The following RIN2 variants were observed in gnomAD, a reference collection of about 807,000 sequenced individuals.
The protein encoded by RIN2 is RAB5 interacting protein 2.
A neutral mutation model predicts 78.0 loss-of-function variants in RIN2; 36 were observed. That is an observed-to-expected ratio of 0.46 (90% CI 0.35 to 0.61). The LOEUF is 0.61. Among genes scored for constraint, RIN2 ranks in the 20% least tolerant of loss-of-function variants. RIN2 has a pLI of 0.00. For synonymous variants in RIN2, 466 were observed against 466.8 expected, an observed-to-expected ratio of 1.00 and a Z score of 0.02; for missense variants, 1,087 against 1,159.7, an observed-to-expected ratio of 0.94 and a Z score of 0.91.
intron 1 of RIN2, among the ~76,000 whole-genome samples, chr20:19,784,004 G>A (rs2034592296): frequency 6.6e-6 from 1 of 152,206 alleles, no homozygotes; most frequent in African/African-American, 2.4e-5. Flanking sequence ...CTACTCCAGG[G>A]CCGAGGCCAG....
chr20:19,904,953 C>T (rs1290020748), intron 3 of RIN2, among the ~76,000 whole-genome samples: 1 of 152,220 alleles, frequency 6.6e-6, no homozygotes, highest in Non-Finnish European at 1.5e-5. Flanking sequence ...AGGTGCCAAG[C>T]AGCTCTCTCA....
At chr20:19,999,140 A>C (rs1413742154) in intron 12 of RIN2, among the ~76,000 whole-genome samples, 1 of 152,126 alleles carries the variant, frequency 6.6e-6, no homozygotes, top group African/African-American at 2.4e-5. Flanking sequence ...ACATGGGAAG[A>C]GGTAGTACGT....
At chr20:19,904,256 T>C (rs1034056737) in intron 3 of RIN2, among the ~76,000 whole-genome samples, 13 of 146,464 alleles carry the variant, frequency 8.9e-5, no homozygotes, top group South Asian at 2.1e-4. Flanking sequence ...TATATATATA[T>C]ATATAAAATA....
intron 1 of RIN2, among the ~76,000 whole-genome samples, chr20:19,765,261 C>T (rs547534622): frequency 6.6e-6 from 1 of 152,232 alleles, no homozygotes; most frequent in African/African-American, 2.4e-5. Flanking sequence ...TTATATTAAG[C>T]CTAATTTGGG....
intron 2 of RIN2, among the ~76,000 whole-genome samples, chr20:19,817,442 A>G (rs1359898226): frequency 3.9e-5 from 6 of 151,924 alleles, no homozygotes; most frequent in Non-Finnish European, 8.8e-5. Context: ...TCAAGACCTA[A>G]TCACCTCCTA....
At chr20:19,800,642 G>T (rs1470183268) in intron 2 of RIN2, among the ~76,000 whole-genome samples, 4 of 152,296 alleles carry the variant, frequency 2.6e-5, no homozygotes, top group South Asian at 2.1e-4. Context: ...GACTTAGAAG[G>T]CTGGCTCCAG....
chr20:19,780,491 A>G (rs998861918), intron 1 of RIN2, among the ~76,000 whole-genome samples: 2 of 152,030 alleles, frequency 1.3e-5, no homozygotes, highest in Non-Finnish European at 2.9e-5. Flanking sequence ...TGAGATCTGG[A>G]TGTAATGAGC....
At chr20:19,789,092 G>A (rs2122602183) in intron 1 of RIN2, among the ~76,000 whole-genome samples, 1 of 152,344 alleles carries the variant, frequency 6.6e-6, no homozygotes. Flanking sequence ...AGAAGTGAGA[G>A]TTCAGAGACA....
At chr20:19,987,402 C>T (rs1053061197) in intron 9 of RIN2, among the ~76,000 whole-genome samples, 2 of 152,022 alleles carry the variant, frequency 1.3e-5, no homozygotes, top group East Asian at 1.9e-4. Flanking sequence ...AATAAACTGG[C>T]GAGTATTTAT....
At chr20:19,832,208 A>C (rs2123007260) in intron 2 of RIN2, among the ~76,000 whole-genome samples, 1 of 151,256 alleles carries the variant, frequency 6.6e-6, no homozygotes, top group African/African-American at 2.4e-5. Flanking sequence ...TAAGGCAAGC[A>C]CATTCCCAAG....
chr20:19,986,497 G>A (rs1230412958), intron 9 of RIN2, among the ~76,000 whole-genome samples: 1 of 152,154 alleles, frequency 6.6e-6, no homozygotes, highest in African/African-American at 2.4e-5. Context: ...TTGGTCCTAG[G>A]TTTCAACCCT....
At chr20:19,907,895 T>C (rs1385004991) in intron 3 of RIN2, among the ~76,000 whole-genome samples, 4 of 152,214 alleles carry the variant, frequency 2.6e-5, no homozygotes, top group Non-Finnish European at 1.5e-5. Flanking sequence ...TTTCCTCATC[T>C]GTAAGGTGGG....
intron 9 of RIN2, among the ~76,000 whole-genome samples, chr20:19,980,392 C>T (rs537601908): frequency 2.0e-4 from 30 of 152,278 alleles, no homozygotes; most frequent in African/African-American, 7.2e-4. Context: ...AAGGTTGACA[C>T]CCCTGGAGTT....
chr20:19,989,749 A>AAAAAC (rs1462169055), intron 9 of RIN2, among the ~76,000 whole-genome samples: 1 of 152,262 alleles, frequency 6.6e-6, no homozygotes, highest in Non-Finnish European at 1.5e-5. Flanking sequence ...TAATTAAAAC[A>AAAAAC]AATATATTTC....
At chr20:19,948,546 C>G (rs2041188953) in intron 4 of RIN2, among the ~76,000 whole-genome samples, 1 of 152,238 alleles carries the variant, frequency 6.6e-6, no homozygotes, top group East Asian at 1.9e-4. Flanking sequence ...AGGAGCGCGC[C>G]ACCACACCCA....
At chr20:19,835,532 C>T (rs2036396645) in intron 2 of RIN2, among the ~76,000 whole-genome samples, 1 of 152,162 alleles carries the variant, frequency 6.6e-6, no homozygotes, top group African/African-American at 2.4e-5. Flanking sequence ...CCGAATTTCA[C>T]ATCATTTACA....
At chr20:19,848,741 G>A (rs868286388) in intron 2 of RIN2, among the ~76,000 whole-genome samples, 4 of 151,842 alleles carry the variant, frequency 2.6e-5, no homozygotes, top group Admixed American at 1.3e-4. Context: ...GGTTTATCGT[G>A]AGTTTATATC....
At chr20:19,903,727 CCTGGT>C (rs1224158675) in intron 3 of RIN2, among the ~76,000 whole-genome samples, 3 of 152,180 alleles carry the variant, frequency 2.0e-5, no homozygotes, top group African/African-American at 7.2e-5. Flanking sequence ...GTTGAGAAAT[CCTGGT>C]CTGCACTGTA....
chr20:19,898,692 C>G (rs547979846), intron 3 of RIN2, among the ~76,000 whole-genome samples: 1 of 152,344 alleles, frequency 6.6e-6, no homozygotes, highest in Non-Finnish European at 1.5e-5. Context: ...TATATAACCT[C>G]ACTGTGTCTG....
Sources: gnomAD v4.1 joint callset for allele counts (sites outside exome capture counted in the v4.1 genomes callset) on GRCh38, gnomAD v4.1.1 for gene constraint, MANE v1.5 for transcripts, NCBI Gene and HGNC (gene_info 2026-07-23, HGNC 2026-07-21) for gene names.